The following DNAH8 variants were observed in gnomAD, a reference collection of about 807,000 sequenced individuals.
The protein encoded by DNAH8 is axonemal beta dynein heavy chain 8.
DNAH8 carries 382 observed loss-of-function variants against 562.1 expected under a neutral mutation model. That is an observed-to-expected ratio of 0.68 (90% CI 0.63 to 0.74). The LOEUF is 0.74. DNAH8 is among the 30% of genes least tolerant of loss of function. DNAH8 has a pLI of 0.00. For missense variants in DNAH8, 5,203 were observed against 5,620.4 expected (o/e 0.93, Z 2.37); for synonymous variants, 1,881 against 1,919.4 (o/e 0.98, Z 0.52).
Position 38,988,071 on chromosome 6 carries a change from A to G in DNAH8, c.13054-1941A>G, listed in dbSNP as rs954817238. 1.2e-4 allele frequency among the ~76,000 whole-genome samples: 19 copies of G among 152,280 alleles called. No homozygotes were observed. The Middle Eastern group carries it at 0.01, about 82-fold the overall frequency. On this transcript the variant is annotated intron_variant, in intron 87 of 92. Coordinates refer to ENST00000327475, the MANE Select transcript of DNAH8 (RefSeq NM_001206927.2). ...GTCATCCAGAGTTGCCCATGGGAGA[A>G]GCAGCTCCACTGTAAACTCACGCCT...
rs558984581 is a variant in DNAH8 at position 38,807,912 on chromosome 6, C to CA, written c.3257+203dup. Among the ~76,000 whole-genome samples, 27 of 152,200 alleles carry CA rather than the reference C, an allele frequency of 1.8e-4. No individual in the cohort carries two copies. The East Asian group carries it at 5.0e-3, about 28-fold the overall frequency. Reference sequence around the variant, plus strand: ...CATATTCCCAACACCCTGCCTGAGACAAAAAAAGGCTACCAGTCCCCTCAT... The same window carrying CA: ...CATATTCCCAACACCCTGCCTGAGACAAAAAAAAGGCTACCAGTCCCCTCAT... On this transcript the variant is annotated intron_variant, in intron 24 of 92. Coordinates refer to ENST00000327475, the MANE Select transcript of DNAH8 (RefSeq NM_001206927.2).
intron 30 of DNAH8, among the ~76,000 whole-genome samples, chr6:38,831,093 G>C (rs1382324081): frequency 6.6e-6 from 1 of 152,094 alleles, no homozygotes; most frequent in Admixed American, 6.6e-5. Context: ...TCTCTGTTGA[G>C]GTTTAGTGAA....
rs752998615 is a variant in DNAH8 at position 39,016,253 on chromosome 6, AT to A, written c.13714+3617del. Among the ~76,000 whole-genome samples, 1,702 of 151,992 alleles carry A rather than the reference AT, an allele frequency of 0.011. 109 individuals carry two copies. In the East Asian group the frequency reaches 0.16, roughly 14 times the overall value. On this transcript the variant is annotated intron_variant, in intron 91 of 92. Coordinates refer to ENST00000327475, the MANE Select transcript of DNAH8 (RefSeq NM_001206927.2). ...AAAACATTTAAGTAAATGGCTTTAA[AT>A]AAAAAACCCTACATAGGCAGGGCGT...
intron 4 of DNAH8, among the ~76,000 whole-genome samples, chr6:38,734,209 GGGAGGT>G (rs923617338): frequency 5.9e-5 from 9 of 151,576 alleles, no homozygotes; most frequent in Non-Finnish European, 1.0e-4. Flanking sequence ...ATGGCTTGAA[GGGAGGT>G]GGAGGTTGCA....
chr6:38,873,032 G>A lies in DNAH8; in HGVS notation c.7364G>A (p.Ser2455Asn). ...ANGDRIPMAPSCKLLFEVHNI... is the reference protein window; with the variant it reads ...ANGDRIPMAPNCKLLFEVHNI... ...GGAGATCGCATTCCCATGGCCCCTA[G>A]TTGTAAGCTTCTGTTTGAAGTCCAC... Residue 2455 changes from serine to asparagine, a missense_variant, in exon 51 of 93, where the codon AGT becomes AAT. By Grantham distance (46) the Ser-to-Asn change is conservative. This residue lies in a region of DNAH8 where 977 missense variants were observed against 1,061.8 expected (regional missense o/e 0.92). Transcript: ENST00000327475. The A allele has an allele frequency of 6.2e-6, 10 of 1,614,132 alleles. No individual in the cohort carries two copies. The highest frequency in any genetic ancestry group is 8.5e-6 in the Non-Finnish European group (10 of 1,179,996).
chr6:38,862,590 T>C (rs1170119640), intron 44 of DNAH8, 132 bp downstream of exon 44: 1 of 1,087,706 alleles, frequency 9.2e-7, no homozygotes, highest in Non-Finnish European at 1.3e-6. Context: ...CCGTATGATA[T>C]TGCCATTTTT....
chr6:38,919,109 C>A (rs1264974591), intron 70 of DNAH8, among the ~76,000 whole-genome samples: 1 of 152,030 alleles, frequency 6.6e-6, no homozygotes, highest in East Asian at 1.9e-4. Context: ...AGAAAACACA[C>A]ACACACATCA....
At chr6:38,805,872 G>A (rs1021808582) in intron 23 of DNAH8, among the ~76,000 whole-genome samples, 4 of 152,144 alleles carry the variant, frequency 2.6e-5, no homozygotes, top group South Asian at 2.1e-4. Context: ...TAAATGTGAC[G>A]TCAGGGATTG....
intron 82 of DNAH8, among the ~76,000 whole-genome samples, chr6:38,969,810 C>G (rs779412448): frequency 2.4e-4 from 36 of 151,748 alleles, no homozygotes; most frequent in Non-Finnish European, 3.4e-4. Context: ...TTGGATTTTG[C>G]CTTGGATGCA....
At chr6:38,960,877 T>G (rs1424924226) in intron 82 of DNAH8, among the ~76,000 whole-genome samples, 2 of 151,966 alleles carry the variant, frequency 1.3e-5, no homozygotes, top group Non-Finnish European at 2.9e-5. Context: ...GGTATCTATC[T>G]GTACTCCCGT....
At chr6:39,000,305 A>C (rs1006814646) in intron 88 of DNAH8, among the ~76,000 whole-genome samples, 3 of 152,190 alleles carry the variant, frequency 2.0e-5, no homozygotes, top group African/African-American at 7.2e-5. Flanking sequence ...GTGGAGGAGC[A>C]ATCAATTCCA....
intron 20 of DNAH8, among the ~76,000 whole-genome samples, chr6:38,790,814 C>A (rs1769667161): frequency 2.0e-5 from 3 of 150,478 alleles, no homozygotes. Context: ...CAGGGCAAGA[C>A]TCCGTCTAAA....
intron 85 of DNAH8, among the ~76,000 whole-genome samples, chr6:38,981,028 AGTGTGTGTGTGTGTGT>A (rs368543739): frequency 6.9e-6 from 1 of 145,718 alleles, no homozygotes; most frequent in Admixed American, 6.9e-5. Flanking sequence ...TGAAAACGGC[AGTGTGTGTGTGTGTGT>A]GTGTGTGTGT....
At chr6:38,971,723 G>A (rs776317944) in intron 83 of DNAH8, 58 bp downstream of exon 83, 3 of 1,321,596 alleles carry the variant, frequency 2.3e-6, no homozygotes, top group South Asian at 2.8e-5. Flanking sequence ...CCACAATCAT[G>A]GATGTTACCA....
intron 65 of DNAH8, among the ~76,000 whole-genome samples, chr6:38,910,425 T>C (rs1780802663): frequency 6.6e-6 from 1 of 152,228 alleles, no homozygotes; most frequent in Admixed American, 6.5e-5. Context: ...CTTTCATTGA[T>C]TTTCAGTGAG....
In DNAH8 at chr6:38,918,014, T is replaced by C; in HGVS notation, c.10398T>C (p.Tyr3466=). The C allele has an allele frequency of 6.2e-6, 10 of 1,613,918 alleles. 1 individual carries two copies. The highest frequency in any genetic ancestry group is 7.6e-6 in the Non-Finnish European group (9 of 1,179,866). The change falls in exon 70 of 93, where the codon TAT becomes TAC. Residue 3466 remains tyrosine (Y), a synonymous_variant. Coordinates refer to ENST00000327475, the MANE Select transcript of DNAH8 (RefSeq NM_001206927.2). ...AGACTGTTGAGTTACTACAGCCATATTTTAATATGGATGATTATACTTTTG... is the reference window on the plus strand; with the variant it reads ...AGACTGTTGAGTTACTACAGCCATACTTTAATATGGATGATTATACTTTTG... ...NEETVELLQP[Y]FNMDDYTFES...
intron 9 of DNAH8, among the ~76,000 whole-genome samples, chr6:38,755,289 C>T (rs544338430): frequency 2.0e-5 from 3 of 152,272 alleles, no homozygotes; most frequent in South Asian, 2.1e-4. Flanking sequence ...AATATGCTAA[C>T]GCTCTTAGCC....
chr6:38,777,849 C>T (rs1388408578), intron 13 of DNAH8, among the ~76,000 whole-genome samples: 4 of 152,132 alleles, frequency 2.6e-5, no homozygotes, highest in African/African-American at 7.2e-5. Flanking sequence ...GTGTCTATAG[C>T]GTCACTACAC....
At chr6:38,930,242 T>C (rs1173552848) in intron 75 of DNAH8, among the ~76,000 whole-genome samples, 2 of 152,160 alleles carry the variant, frequency 1.3e-5, no homozygotes, top group Non-Finnish European at 2.9e-5. Flanking sequence ...TTGTTCTCAA[T>C]TGTTGGTGAT....
Sources: gnomAD v4.1 joint callset for allele counts (sites outside exome capture counted in the v4.1 genomes callset) on GRCh38, gnomAD v4.1.1 for gene constraint, gnomAD v4.1.1 regional missense constraint, MANE v1.5 for transcripts, NCBI Gene and HGNC (gene_info 2026-07-23, HGNC 2026-07-21) for gene names.